The following MAGEL2 variants were observed in gnomAD, a reference collection of about 807,000 sequenced individuals.
The protein encoded by MAGEL2 is MAGE family member L2.
For synonymous variants in MAGEL2, 792 were observed against 721.7 expected (o/e 1.10, Z -1.56); for missense variants, 1,830 against 1,699.2 (o/e 1.08, Z -1.35).
At position 23,646,037 on chromosome 15, in the gene MAGEL2, G is replaced by C; in HGVS notation, c.1706C>G (p.Pro569Arg). The C allele has an allele frequency of 6.5e-7, 1 of 1,539,572 alleles. No homozygotes were observed. Among genetic ancestry groups the C allele is most frequent in the Non-Finnish European group, 8.7e-7 (1 of 1,143,164 alleles). The change falls in exon 1 of 1, where the codon CCG becomes CGG. Residue 569 changes from proline (P) to arginine (R), a missense_variant. Pro to Arg is a moderately radical substitution (Grantham distance 103). Transcript: ENST00000650528. This position sits in a 1 kb window ranked among gnomAD's most constrained non-coding sequence, Gnocchi z 4.2. ...CGGGGCAGACAGTGGGGCAGACAGC[G>C]GGGCCGGCAGCACAGGCTGGGGCAC... ...PQVPQPVLPAPLSAPLSAPQA... is the reference protein window; with the variant it reads ...PQVPQPVLPARLSAPLSAPQA...
Position 23,645,826 on chromosome 15 carries a change from A to G in MAGEL2, c.1917T>C (p.Ala639=). 6.3e-7 allele frequency: 1 copy of G among 1,584,466 alleles called. No individual in the cohort carries two copies. The highest frequency in any genetic ancestry group is 8.6e-7 in the Non-Finnish European group (1 of 1,167,020). Reference sequence around the variant, plus strand: ...GCTGCTCCAGCTGGACCAAGGGGGGAGCCTGCCTCTGGGCCTCCTGGGCAG... The same window carrying G: ...GCTGCTCCAGCTGGACCAAGGGGGGGGCCTGCCTCTGGGCCTCCTGGGCAG... The part of the protein sequence containing the change: ...PLPAQEAQRQ[A]PPLVQLEQPF... The change falls in exon 1 of 1, where the codon GCT becomes GCC. Residue 639 remains alanine, a synonymous_variant. Transcript: ENST00000650528.
Position 23,645,477 on chromosome 15 carries a change from A to C in MAGEL2, c.2266T>G (p.Phe756Val). 1 of 1,613,984 alleles carries C rather than the reference A, an allele frequency of 6.2e-7. No individual in the cohort carries two copies. The highest frequency in any genetic ancestry group is 8.5e-7 in the Non-Finnish European group (1 of 1,179,888). The change falls in exon 1 of 1, where the codon TTC (phenylalanine) becomes GTC (valine). Residue 756 changes from phenylalanine to valine, a missense_variant. By Grantham distance (50) the Phe-to-Val change is conservative. Coordinates refer to ENST00000650528, the MANE Select transcript of MAGEL2 (RefSeq NM_019066.5). ...SKDRMIFAAT[F>V]CAPKAVSAAR... is the part of the protein sequence containing the mutation. Reference sequence around the variant, plus strand: ...GCTGACACTGCCTTGGGAGCACAGAAGGTGGCAGCAAAGATCATGCGGTCT... The same window carrying C: ...GCTGACACTGCCTTGGGAGCACAGACGGTGGCAGCAAAGATCATGCGGTCT...
rs1890395931 is a variant in MAGEL2, at chr15:23,646,095, G to C, written c.1648C>G (p.Gln550Glu). The C allele has an allele frequency of 2.1e-6, 3 of 1,434,884 alleles. No homozygotes were observed. In the South Asian group the frequency reaches 4.4e-5, roughly 21 times the overall value. 88.9% of individuals were successfully genotyped at this position (1,434,884 alleles called of 1,614,324 possible). Residue 550 changes from glutamine to glutamate, a missense_variant, in exon 1 of 1, where the codon CAG becomes GAG. Gln to Glu is a conservative substitution (Grantham distance 29). Coordinates refer to ENST00000650528, the MANE Select transcript of MAGEL2 (RefSeq NM_019066.5). The surrounding 1 kb of genome is among the most constrained non-coding windows in gnomAD (Gnocchi z 4.2). ...PQVPTAPPATQVPAAPPAGPQ... is the reference protein window; with the variant it reads ...PQVPTAPPATEVPAAPPAGPQ... ...CCAGCGGGCGGCGCCGCGGGTACCT[G>C]CGTAGCAGGTGGGGCCGTAGGCACC...
In MAGEL2 at chr15:23,647,753, TGACAGCTGGTGGGTCTTTTCCTCG is replaced by T. The variant is rs928796667; in HGVS notation, c.-35_-12del. ...ACTTAGCTGCGACATGTCCCTTTGC[TGACAGCTGGTGGGTCTTTTCCTCG>T]GACAGCTGCTGGGCCTTTTCCTCCA... is the stretch of plus-strand genomic sequence containing the variant. On this transcript the variant is annotated 5_prime_UTR_variant, in exon 1 of 1. Transcript: ENST00000650528. 1.7e-5 allele frequency: 25 copies of T among 1,440,414 alleles called. No homozygotes were observed. The highest frequency in any genetic ancestry group is 2.3e-4 in the Middle Eastern group (1 of 4,372). The allele number at this position is 1,440,414 out of a possible 1,614,324, so 89.2% of individuals were successfully genotyped here.
In MAGEL2 at chr15:23,644,487, C is replaced by T. The variant is rs753866114; in HGVS notation, c.3256G>A (p.Ala1086Thr). ...QLKEIDTKNH[A>T]YIIINKLGYH... ...CCCAGCTTGTTGATGATAATATAGG[C>T]GTGGTTTTTGGTATCAATTTCTTTC... Residue 1086 changes from alanine (A) to threonine (T), a missense_variant, in exon 1 of 1, where the codon GCC (alanine) becomes ACC (threonine). Coordinates refer to ENST00000650528, the MANE Select transcript of MAGEL2 (RefSeq NM_019066.5). 43 of 1,613,730 alleles carry T rather than the reference C, an allele frequency of 2.7e-5. No homozygotes were observed. The highest frequency in any genetic ancestry group is 6.7e-5 in the East Asian group (3 of 44,870).
Position 23,645,658 on chromosome 15 carries a change from G to A in MAGEL2, c.2085C>T (p.Ala695=). The change falls in exon 1 of 1, where the codon GCC becomes GCT. Residue 695 remains alanine, a synonymous_variant. Coordinates refer to ENST00000650528, the MANE Select transcript of MAGEL2 (RefSeq NM_019066.5). The stretch of plus-strand genomic sequence containing the variant: ...CCGCTGCTACCGGGGGTCCGGGCTG[G>A]GCCTGCAAGACTGCAGGCGGTGCCT... ...SWQAPPAVLQ[A]QPGPPVAAAN... 6.3e-7 allele frequency: 1 copy of A among 1,575,326 alleles called. No individual in the cohort carries two copies. Among genetic ancestry groups the A allele is most frequent in the Non-Finnish European group, 8.6e-7 (1 of 1,162,998 alleles).
rs1890333598 is a variant in MAGEL2, at chr15:23,643,893, C to T, written c.*100G>A. 10 of 1,323,578 alleles carry T rather than the reference C, an allele frequency of 7.6e-6. No individual in the cohort carries two copies. The highest frequency in any genetic ancestry group is 1.8e-5 in the South Asian group (1 of 56,092). The allele number at this position is 1,323,578 out of a possible 1,614,324, so 82.0% of individuals were successfully genotyped here. A position where few individuals can be genotyped will look rare whatever the true frequency, so the allele number is the denominator to read the frequency against. On this transcript the variant is annotated 3_prime_UTR_variant, in exon 1 of 1. Transcript: ENST00000650528. The stretch of plus-strand genomic sequence containing the variant: ...CAAGTTGAAAATCCAAACGTACACT[C>T]GTGGAACTGGAACACAAACACCAGG...
Position 23,646,036 on chromosome 15 carries a change from CG to C in MAGEL2, c.1706del (p.Pro569ArgfsTer133). On this transcript the variant is annotated frameshift_variant, in exon 1 of 1. Transcript: ENST00000650528. LOFTEE classifies it low-confidence loss of function (END_TRUNC). This position sits in a 1 kb window ranked among gnomAD's most constrained non-coding sequence, Gnocchi z 4.2. ...GCGGGGCAGACAGTGGGGCAGACAGCGGGGCCGGCAGCACAGGCTGGGGCAC... is the reference window on the plus strand; with the variant it reads ...GCGGGGCAGACAGTGGGGCAGACAGCGGGCCGGCAGCACAGGCTGGGGCAC... ...PQVPQPVLPAPLSAPLSAPQA... is the reference protein window; with the variant it reads ...PQVPQPVLPAXLSAPLSAPQA... 1 of 1,539,038 alleles carries C rather than the reference CG, an allele frequency of 6.5e-7. No homozygotes were observed. The highest frequency in any genetic ancestry group is 8.7e-7 in the Non-Finnish European group (1 of 1,142,926).
chr15:23,647,115 C>A lies in MAGEL2; in HGVS notation c.628G>T (p.Ala210Ser). Residue 210 changes from alanine to serine, a missense_variant, in exon 1 of 1, where the codon GCT (alanine) becomes TCT (serine). Transcript: ENST00000650528. Reference sequence around the variant, plus strand: ...GGTGTCCCCGGAGGTGGAGGATGAGCCATCGGTGTCCCCGGAGGGGGAGGA... The same window carrying A: ...GGTGTCCCCGGAGGTGGAGGATGAGACATCGGTGTCCCCGGAGGGGGAGGA... Reference protein sequence around the residue: ...AHPPPPGTPMAHPPPPGTPMA... With the variant: ...AHPPPPGTPMSHPPPPGTPMA... The A allele has an allele frequency of 2.0e-6, 3 of 1,530,128 alleles. No individual in the cohort carries two copies. The highest frequency in any genetic ancestry group is 2.6e-6 in the Non-Finnish European group (3 of 1,143,740). 94.8% of individuals were successfully genotyped at this position (1,530,128 alleles called of 1,614,324 possible).
chr15:23,645,635 G>C lies in MAGEL2; in HGVS notation c.2108C>G (p.Ala703Gly), dbSNP rs764650142. The change falls in exon 1 of 1, where the codon GCG becomes GGG. Residue 703 changes from alanine (A) to glycine (G), a missense_variant. Ala to Gly is a moderately conservative substitution (Grantham distance 60). Transcript: ENST00000650528. The stretch of plus-strand genomic sequence containing the variant: ...AGCGGAGCCCAGGGGAAAATTTGCC[G>C]CTGCTACCGGGGGTCCGGGCTGGGC... ...LQAQPGPPVAAANFPLGSAKS... is the reference protein window; with the variant it reads ...LQAQPGPPVAGANFPLGSAKS... 17 of 1,587,458 alleles carry C rather than the reference G, an allele frequency of 1.1e-5. No homozygotes were observed. In the East Asian group the frequency reaches 3.6e-4, roughly 34 times the overall value.
Position 23,647,580 on chromosome 15 carries a change from A to T in MAGEL2, c.163T>A (p.Leu55Met). ...GGCTGAGGTGCCTGCCAAGCGGCCA[A>T]TGAAGCCTGCAAGTCAATTGGAGGT... Reference protein sequence around the residue: ...DPPPIDLQASLAAWQAPQPAW... With the variant: ...DPPPIDLQASMAAWQAPQPAW... The change falls in exon 1 of 1, where the codon TTG (leucine) becomes ATG (methionine). Residue 55 changes from leucine to methionine, a missense_variant. Transcript: ENST00000650528. The T allele has an allele frequency of 1.3e-6, 2 of 1,536,340 alleles. No homozygotes were observed. The highest frequency in any genetic ancestry group is 1.7e-6 in the Non-Finnish European group (2 of 1,146,804).
rs760557510 is a variant in MAGEL2 at position 23,646,806 on chromosome 15, C to A, written c.937G>T (p.Ala313Ser). The A allele has an allele frequency of 2.6e-6, 4 of 1,535,798 alleles. No homozygotes were observed. The highest frequency in any genetic ancestry group is 3.5e-6 in the Non-Finnish European group (4 of 1,146,720). ...GGGGCCATCGGCTGTGCAGGTGGGG[C>A]CGCCGGCTGTGCCATCGGTGCTCCT... ...ASGAPMAQPA[A>S]PPAQPMAPPA... The change falls in exon 1 of 1, where the codon GCC (alanine) becomes TCC (serine). Residue 313 changes from alanine to serine, a missense_variant. Transcript: ENST00000650528. The surrounding 1 kb of genome is among the most constrained non-coding windows in gnomAD (Gnocchi z 4.2).
At position 23,646,396 on chromosome 15, in the gene MAGEL2, GGGTGGGGCCTGGCGGATCACC is replaced by G. The variant is rs1566784728; in HGVS notation, c.1326_1346del (p.Pro456_Pro462del). ...TCACGGGTGGGGCCTGGCGGATCAC[GGGTGGGGCCTGGCGGATCACC>G]GGTGGGGCCTGGCGGATCAGCGGTG... On this transcript the variant is annotated inframe_deletion, in exon 1 of 1. Transcript: ENST00000650528. This position sits in a 1 kb window ranked among gnomAD's most constrained non-coding sequence, Gnocchi z 4.2. 123 of 1,378,048 alleles carry G rather than the reference GGGTGGGGCCTGGCGGATCACC, an allele frequency of 8.9e-5. No individual in the cohort carries two copies. In the South Asian group the frequency reaches 1.0e-3, roughly 12 times the overall value. The allele number at this position is 1,378,048 out of a possible 1,614,324, so 85.4% of individuals were successfully genotyped here.
Position 23,644,893 on chromosome 15 carries a change from G to A in MAGEL2, c.2850C>T (p.Ser950=). ...CCCAGCCACTCAGGATCCTGGAGGT[G>A]CTAGGGCCCTCCCAACCACTCAGGC... ...PRGLSGWEGP[S]TSRILSGWEG... is the part of the protein sequence containing the mutation. The change falls in exon 1 of 1, where the codon AGC becomes AGT. Residue 950 remains serine, a synonymous_variant. Transcript: ENST00000650528. The A allele has an allele frequency of 1.2e-6, 2 of 1,612,904 alleles. No individual in the cohort carries two copies. Among genetic ancestry groups the A allele is most frequent in the Non-Finnish European group, 1.7e-6 (2 of 1,179,854 alleles).
In MAGEL2 at chr15:23,643,850, C is replaced by T. The variant is rs935037066; in HGVS notation, c.*143G>A. 4.6e-6 allele frequency: 4 copies of T among 860,470 alleles called. No individual in the cohort carries two copies. The African/African-American group carries it at 6.8e-5, about 15-fold the overall frequency. The allele number at this position is 860,470 out of a possible 1,614,324, so 53.3% of individuals were successfully genotyped here. A position where few individuals can be genotyped will look rare whatever the true frequency, so the allele number is the denominator to read the frequency against. ...AACACCACATAAAAAATGTACAAAGCTTTGGCAGATACGAAACCAAGTTGA... is the reference window on the plus strand; with the variant it reads ...AACACCACATAAAAAATGTACAAAGTTTTGGCAGATACGAAACCAAGTTGA... On this transcript the variant is annotated 3_prime_UTR_variant, in exon 1 of 1. Coordinates refer to ENST00000650528, the MANE Select transcript of MAGEL2 (RefSeq NM_019066.5).
At position 23,644,615 on chromosome 15, in the gene MAGEL2, C is replaced by A; in HGVS notation, c.3128G>T (p.Arg1043Leu). 6.2e-7 allele frequency: 1 copy of A among 1,613,866 alleles called. No individual in the cohort carries two copies. The highest frequency in any genetic ancestry group is 8.5e-7 in the Non-Finnish European group (1 of 1,179,846). Residue 1043 changes from arginine (R) to leucine (L), a missense_variant, in exon 1 of 1, where the codon CGC becomes CTC. By Grantham distance (102) the Arg-to-Leu change is moderately radical. Coordinates refer to ENST00000650528, the MANE Select transcript of MAGEL2 (RefSeq NM_019066.5). ...VKDQAKVPVQRSEMVKVILRE... is the reference protein window; with the variant it reads ...VKDQAKVPVQLSEMVKVILRE... The stretch of plus-strand genomic sequence containing the variant: ...GAGGATGACTTTCACCATCTCCGAG[C>A]GCTGGACAGGCACCTTGGCTTGGTC...
At position 23,647,828 on chromosome 15, in the gene MAGEL2, G is replaced by T; in HGVS notation, c.-86C>A. ...GAGAGAAGAGAATGCCTACGTGGCT[G>T]TTCAGAGGCTCCCTCCCTGCTGAAT... is the stretch of plus-strand genomic sequence containing the variant. On this transcript the variant is annotated 5_prime_UTR_variant, in exon 1 of 1. Transcript: ENST00000650528. 7.5e-7 allele frequency: 1 copy of T among 1,331,492 alleles called. No individual in the cohort carries two copies. Among genetic ancestry groups the T allele is most frequent in the Non-Finnish European group, 9.9e-7 (1 of 1,014,452 alleles). The allele number at this position is 1,331,492 out of a possible 1,614,324, so 82.5% of individuals were successfully genotyped here.
chr15:23,644,671 T>C lies in MAGEL2; in HGVS notation c.3072A>G (p.Ala1024=), dbSNP rs1161995183. 2.5e-6 allele frequency: 4 copies of C among 1,613,796 alleles called. No homozygotes were observed. Among genetic ancestry groups the C allele is most frequent in the Admixed American group, 1.7e-5 (1 of 60,006 alleles). ...CTAAGAGGAACTGCACCAACGCATT[T>C]GCCCTCTCATCCAAGGGAGACAAGG... The part of the protein sequence containing the change: ...AQPLSPLDER[A]NALVQFLLVK... Residue 1024 remains alanine (A), a synonymous_variant, in exon 1 of 1, where the codon GCA becomes GCG. Coordinates refer to ENST00000650528, the MANE Select transcript of MAGEL2 (RefSeq NM_019066.5).
In MAGEL2 at chr15:23,645,985, G is replaced by T; in HGVS notation, c.1758C>A (p.Ile586=). The T allele has an allele frequency of 6.4e-7, 1 of 1,557,172 alleles. No individual in the cohort carries two copies. Among genetic ancestry groups the T allele is most frequent in the Non-Finnish European group, 8.7e-7 (1 of 1,150,348 alleles). ...GGGGCTGACCTTTGGGGGCCTGCCA[G>T]ATGATGGAAGGGCAGTGCACAGCCT... ...APQAVHCPSI[I]WQAPKGQPPV... is the part of the protein sequence containing the mutation. Residue 586 remains isoleucine, a synonymous_variant, in exon 1 of 1, where the codon ATC becomes ATA. Transcript: ENST00000650528.
Sources: allele counts gnomAD v4.1 joint callset, GRCh38; gene constraint gnomAD v4.1.1; non-coding constraint Gnocchi (gnomAD v3.1); transcripts MANE v1.5; gene names NCBI Gene and HGNC (gene_info 2026-07-23, HGNC 2026-07-21).